Variants in EML6 observed in about 807,000 individuals in gnomAD.
EML6 encodes EMAP like 6.
Under a neutral mutation model 240.1 loss-of-function variants are expected in EML6, and 154 were observed. That is an observed-to-expected ratio of 0.64 (90% CI 0.56 to 0.73). The LOEUF is 0.73. Ranked by LOEUF, EML6 falls within the 30% of genes least tolerant of loss-of-function variation. The pLI is 0.00. For synonymous variants in EML6, 1,148 were observed against 899.0 expected, an observed-to-expected ratio of 1.28 and a Z score of -4.95; for missense variants, 2,964 against 2,474.6, an observed-to-expected ratio of 1.20 and a Z score of -4.20.
chr2:54,964,108 G>C lies in EML6; in HGVS notation c.5280G>C (p.Leu1760=). 6.4e-7 allele frequency: 1 copy of C among 1,551,738 alleles called. No homozygotes were observed. Among genetic ancestry groups the C allele is most frequent in the Admixed American group, 2.0e-5 (1 of 51,010 alleles). The change falls in exon 37 of 42, where the codon CTG becomes CTC. Residue 1760 remains leucine, a synonymous_variant. Transcript: ENST00000356458. ...TTGTCATCTTGTTGGTGAACAGCCTGAAAGTTTGGGGGAAAAAACGAGACC... is the reference window on the plus strand; with the variant it reads ...TTGTCATCTTGTTGGTGAACAGCCTCAAAGTTTGGGGGAAAAAACGAGACC... ...GEFVILLVNS[L]KVWGKKRDRK...
At chr2:54,815,228 T>C (rs577411699) in intron 3 of EML6, among the ~76,000 whole-genome samples, 1 of 152,238 alleles carries the variant, frequency 6.6e-6, no homozygotes, top group East Asian at 1.9e-4. Context: ...TTTTGAAGGA[T>C]GGTGGGTGGG....
chr2:54,880,077 C>G (rs1671734504), intron 17 of EML6: 1 of 154,472 alleles, frequency 6.5e-6, no homozygotes, highest in African/African-American at 2.4e-5. Flanking sequence ...CCGTGTGCAT[C>G]TGCCACTTGC....
At chr2:54,789,382 C>A (rs961772123) in intron 2 of EML6, among the ~76,000 whole-genome samples, 2 of 151,098 alleles carry the variant, frequency 1.3e-5, no homozygotes, top group East Asian at 1.9e-4. Context: ...GGCGTGATGG[C>A]GGGCGCCTGT....
intron 24 of EML6, among the ~76,000 whole-genome samples, chr2:54,905,606 G>C (rs1673286240): frequency 6.6e-6 from 1 of 152,090 alleles, no homozygotes; most frequent in African/African-American, 2.4e-5. Context: ...TAAAAACATT[G>C]ACACTGTTGT....
At chr2:54,909,131 T>G (rs1673505099) in intron 24 of EML6, among the ~76,000 whole-genome samples, 1 of 152,254 alleles carries the variant, frequency 6.6e-6, no homozygotes, top group South Asian at 2.1e-4. Flanking sequence ...CTGAATTATC[T>G]TAGTATCTCA....
intron 32 of EML6, among the ~76,000 whole-genome samples, 198 bp from the exon 33 acceptor site, chr2:54,957,592 A>G (rs1011240011): frequency 6.6e-6 from 1 of 152,196 alleles, no homozygotes; most frequent in Non-Finnish European, 1.5e-5. Context: ...TGTTACCAGC[A>G]CCTGCTGCTC....
intron 26 of EML6, among the ~76,000 whole-genome samples, chr2:54,924,081 T>A (rs772042555): frequency 2.0e-5 from 3 of 152,236 alleles, no homozygotes; most frequent in South Asian, 2.1e-4. Flanking sequence ...TATGAACATT[T>A]TTAGACAAGT....
At chr2:54,920,729 T>C (rs1674201564) in intron 26 of EML6, among the ~76,000 whole-genome samples, 1 of 152,170 alleles carries the variant, frequency 6.6e-6, no homozygotes, top group Non-Finnish European at 1.5e-5. Context: ...CAGGCCAATA[T>C]GCCTGATGAA....
intron 3 of EML6, among the ~76,000 whole-genome samples, chr2:54,814,687 G>T (rs1668005779): frequency 1.3e-5 from 2 of 152,174 alleles, no homozygotes; most frequent in African/African-American, 2.4e-5. Flanking sequence ...GAAATTCAGT[G>T]GATTATAGGA....
chr2:54,810,670 G>A (rs1228230835), intron 2 of EML6, among the ~76,000 whole-genome samples: 1 of 152,140 alleles, frequency 6.6e-6, no homozygotes. Flanking sequence ...ATTGCAGGGG[G>A]AGAGGCAATA....
chr2:54,964,502 C>T (rs1676663278), intron 37 of EML6, 69 bp from the exon 38 acceptor site: 4 of 1,443,502 alleles, frequency 2.8e-6, no homozygotes, highest in Non-Finnish European at 2.8e-6. Flanking sequence ...TGTCACAGAC[C>T]AGCCTTCGTG....
At chr2:54,850,496 A>G (rs1283793367) in intron 10 of EML6, 3 of 350,332 alleles carry the variant, frequency 8.6e-6, no homozygotes, top group Non-Finnish European at 1.6e-5. Context: ...GGCATAGACT[A>G]GGCATAAATT....
intron 35 of EML6, among the ~76,000 whole-genome samples, 179 bp from the exon 36 acceptor site, chr2:54,962,344 C>G (rs932241342): frequency 1.3e-5 from 2 of 152,106 alleles, no homozygotes; most frequent in African/African-American, 4.8e-5. Context: ...ATCCACAGAA[C>G]TTTTCTTGCA....
rs377253510 is a variant in EML6, at chr2:54,910,939, G to C, written c.3410-15G>C. The C allele has an allele frequency of 1.7e-4, 250 of 1,434,644 alleles. No homozygotes were observed. Among genetic ancestry groups the C allele is most frequent in the Non-Finnish European group, 2.0e-4 (206 of 1,046,068 alleles). 88.9% of individuals were successfully genotyped at this position (1,434,644 alleles called of 1,614,324 possible). On this transcript the variant is annotated splice_polypyrimidine_tract_variant and intron_variant, in intron 24 of 41. Coordinates refer to ENST00000356458, the MANE Select transcript of EML6 (RefSeq NM_001039753.4). ...CAGATTTTAATTATCTCTCTACTTC[G>C]TTCTGTCGTAACAGGAAAATTATTG...
intron 4 of EML6, among the ~76,000 whole-genome samples, chr2:54,817,432 G>T (rs1168674440): frequency 6.6e-6 from 1 of 152,124 alleles, no homozygotes; most frequent in African/African-American, 2.4e-5. Flanking sequence ...CCAGTGTCTT[G>T]CATAATTAAA....
intron 7 of EML6, among the ~76,000 whole-genome samples, chr2:54,834,732 A>G (rs1669045489): frequency 6.6e-6 from 1 of 152,242 alleles, no homozygotes; most frequent in African/African-American, 2.4e-5. Flanking sequence ...TCACTGAGCA[A>G]GAATTAGAGG....
Position 54,750,005 on chromosome 2 carries a change from A to T in EML6, c.197+24747A>T, listed in dbSNP as rs187122. 8.0e-3 allele frequency among the ~76,000 whole-genome samples: 1,210 copies of T among 152,170 alleles called. 5 individuals carry two copies. Among genetic ancestry groups the T allele is most frequent in the Non-Finnish European group, 0.013 (907 of 67,994 alleles). On this transcript the variant is annotated intron_variant, in intron 2 of 41. Coordinates refer to ENST00000356458, the MANE Select transcript of EML6 (RefSeq NM_001039753.4). ...TCTGCTTGACACTAGGTCCAGATCAATTTTTTTCCTTGATGTTTGCTGAAA... is the reference window on the plus strand; with the variant it reads ...TCTGCTTGACACTAGGTCCAGATCATTTTTTTTCCTTGATGTTTGCTGAAA...
intron 28 of EML6, among the ~76,000 whole-genome samples, chr2:54,931,018 C>T (rs888049982): frequency 2.6e-4 from 34 of 132,976 alleles, no homozygotes; most frequent in Admixed American, 5.4e-4. Context: ...AGTGCAGTGG[C>T]GCGATCTCGG....
At chr2:54,810,545 G>C (rs970205062) in intron 2 of EML6, among the ~76,000 whole-genome samples, 1 of 152,184 alleles carries the variant, frequency 6.6e-6, no homozygotes, top group African/African-American at 2.4e-5. Context: ...TTTTAAAATA[G>C]AAGCTGTGAT....
Sources: allele counts gnomAD v4.1 joint callset (sites outside exome capture counted in the v4.1 genomes callset), GRCh38; gene constraint gnomAD v4.1.1; transcripts MANE v1.5; gene names NCBI Gene and HGNC (gene_info 2026-07-23, HGNC 2026-07-21).